Variants in GPR158 observed in about 807,000 individuals in gnomAD.
GPR158 encodes the protein G protein-coupled receptor 158, also known as metabotropic glycine receptor.
GPR158 carries 30 observed loss-of-function variants against 78.2 expected under a neutral mutation model. The observed-to-expected ratio is 0.38, with a 90% confidence interval of 0.29 to 0.52. The LOEUF is 0.52. Ranked by LOEUF, GPR158 falls within the 20% of genes least tolerant of loss-of-function variation. The pLI, the probability that GPR158 is intolerant of heterozygous loss-of-function variation, is 0.83. For synonymous variants in GPR158, 581 were observed against 591.1 expected, an observed-to-expected ratio of 0.98 and a Z score of 0.25; for missense variants, 1,463 against 1,523.5, an observed-to-expected ratio of 0.96 and a Z score of 0.66.
intron 3 of GPR158, among the ~76,000 whole-genome samples, chr10:25,396,603 A>G (rs824593): frequency 6.6e-6 from 1 of 151,706 alleles, no homozygotes; most frequent in Admixed American, 6.6e-5. Flanking sequence ...GTTCAAAACC[A>G]GCCTGGACAA....
intron 5 of GPR158, among the ~76,000 whole-genome samples, chr10:25,480,547 T>C (rs1482295987): frequency 1.7e-5 from 2 of 118,762 alleles, no homozygotes; most frequent in Non-Finnish European, 3.9e-5. Flanking sequence ...TCTATGATAT[T>C]GCCTTTTCCA....
At chr10:25,214,955 AC>A (rs1853186872) in intron 1 of GPR158, among the ~76,000 whole-genome samples, 1 of 152,220 alleles carries the variant, frequency 6.6e-6, no homozygotes, top group African/African-American at 2.4e-5. Flanking sequence ...GCCTTAACAA[AC>A]TAATACACCA....
At chr10:25,484,104 G>C (rs1835700533) in intron 5 of GPR158, among the ~76,000 whole-genome samples, 1 of 152,126 alleles carries the variant, frequency 6.6e-6, no homozygotes, top group Admixed American at 6.6e-5. Context: ...TAATCTGGCT[G>C]TTCTTAACTT....
At chr10:25,341,772 G>A (rs886237254) in intron 2 of GPR158, among the ~76,000 whole-genome samples, 1 of 151,274 alleles carries the variant, frequency 6.6e-6, no homozygotes, top group East Asian at 1.9e-4. Flanking sequence ...CTCTTAAAAG[G>A]TCTGTGCCAA....
intron 5 of GPR158, among the ~76,000 whole-genome samples, chr10:25,481,579 G>A (rs824608): frequency 0.44 from 67,535 of 152,046 alleles, 16,099 homozygotes; most frequent in East Asian, 0.8. Context: ...GCATGCTGCT[G>A]TGAACATTAG....
At chr10:25,195,854 G>A (rs1852837042) in intron 1 of GPR158, among the ~76,000 whole-genome samples, 1 of 152,082 alleles carries the variant, frequency 6.6e-6, no homozygotes, top group Admixed American at 6.6e-5. Flanking sequence ...TAGGTTCAAA[G>A]TCATTTTGCC....
chr10:25,390,441 T>G (rs1773609), intron 2 of GPR158, among the ~76,000 whole-genome samples: 98,081 of 152,038 alleles, frequency 0.65, 32,593 homozygotes, highest in Non-Finnish European at 0.73. Context: ...TAAGGAACTT[T>G]TTGGGAACTG....
chr10:25,490,750 CAT>C (rs1835798180), intron 5 of GPR158, among the ~76,000 whole-genome samples: 1 of 146,788 alleles, frequency 6.8e-6, no homozygotes, highest in Non-Finnish European at 1.5e-5. Flanking sequence ...CCGCAATAAA[CAT>C]ATGTGTGCAT....
intron 5 of GPR158, among the ~76,000 whole-genome samples, chr10:25,527,201 A>G (rs1836360544): frequency 6.6e-6 from 1 of 152,214 alleles, no homozygotes; most frequent in South Asian, 2.1e-4. Flanking sequence ...AGAGATTTTT[A>G]CACCTTTGTG....
At chr10:25,411,933 C>CAAAAAA (rs1164005677) in intron 3 of GPR158, among the ~76,000 whole-genome samples, 3 of 47,488 alleles carry the variant, frequency 6.3e-5, no homozygotes, top group Admixed American at 3.8e-4. Context: ...GACTCTATCA[C>CAAAAAA]AAAAAAAAAA....
intron 2 of GPR158, among the ~76,000 whole-genome samples, chr10:25,266,698 A>C (rs754718970): frequency 1.1e-4 from 16 of 152,146 alleles, no homozygotes; most frequent in South Asian, 2.1e-4. Flanking sequence ...AAATTCTATA[A>C]ATAGTAGCTG....
At chr10:25,278,997 T>C (rs904698396) in intron 2 of GPR158, among the ~76,000 whole-genome samples, 6 of 152,074 alleles carry the variant, frequency 3.9e-5, no homozygotes, top group African/African-American at 1.4e-4. Flanking sequence ...AATTATGAGC[T>C]TTAAATATGA....
At chr10:25,200,887 T>C (rs1176391183) in intron 1 of GPR158, among the ~76,000 whole-genome samples, 73 of 143,218 alleles carry the variant, frequency 5.1e-4, no homozygotes, top group Admixed American at 9.8e-4. Flanking sequence ...TTTTTTTTTT[T>C]CAGTACCATG....
chr10:25,195,923 C>T (rs1852837798), intron 1 of GPR158, among the ~76,000 whole-genome samples: 1 of 152,098 alleles, frequency 6.6e-6, no homozygotes, highest in Non-Finnish European at 1.5e-5. Context: ...CTTATGAAAA[C>T]TTTGATGTAA....
At chr10:25,365,165 A>T (rs1355265048) in intron 2 of GPR158, among the ~76,000 whole-genome samples, 1 of 151,832 alleles carries the variant, frequency 6.6e-6, no homozygotes, top group Non-Finnish European at 1.5e-5. Context: ...ATAACAAGAT[A>T]AATTGTTAAA....
rs536745492 is a variant in GPR158 at position 25,598,282 on chromosome 10, A to T, written c.2656A>T (p.Ser886Cys). ...CAAGTCAGCAAGCGCTCACAACCTC[A>T]GCTCAGAGAAGAAAACTGGGCACCC... ...VCKSASAHNL[S>C]SEKKTGHPRT... The change falls in exon 11 of 11, where the codon AGC becomes TGC. Residue 886 changes from serine (S) to cysteine (C), a missense_variant. By Grantham distance (112) the Ser-to-Cys change is moderately radical (BLOSUM62 -1). Coordinates refer to ENST00000376351, the MANE Select transcript of GPR158 (RefSeq NM_020752.3). 1 of 1,614,090 alleles carries T rather than the reference A, an allele frequency of 6.2e-7. No homozygotes were observed. Among genetic ancestry groups the T allele is most frequent in the African/African-American group, 1.3e-5 (1 of 75,028 alleles).
intron 1 of GPR158, 24 bp from the exon 2 acceptor site, chr10:25,221,028 C>G: frequency 2.6e-6 from 3 of 1,172,638 alleles, no homozygotes; most frequent in Non-Finnish European, 3.8e-6. Context: ...TTAATTTGTT[C>G]TTTTTATCCT....
chr10:25,251,019 T>A (rs1004439140), intron 2 of GPR158, among the ~76,000 whole-genome samples: 1 of 151,948 alleles, frequency 6.6e-6, no homozygotes, highest in Non-Finnish European at 1.5e-5. Flanking sequence ...CATATATATT[T>A]AGGATAGTTA....
At chr10:25,266,291 G>A (rs1854044497) in intron 2 of GPR158, among the ~76,000 whole-genome samples, 1 of 152,138 alleles carries the variant, frequency 6.6e-6, no homozygotes, top group African/African-American at 2.4e-5. Context: ...CACTTCATGA[G>A]GGTAGTCCTT....
Sources: allele counts gnomAD v4.1 joint callset (sites outside exome capture counted in the v4.1 genomes callset), GRCh38; gene constraint gnomAD v4.1.1; transcripts MANE v1.5; gene names NCBI Gene and HGNC (gene_info 2026-07-23, HGNC 2026-07-21).